Variants in ASXL2 observed in about 807,000 individuals in gnomAD.
ASXL2 encodes the protein putative Polycomb group protein ASXL2.
A neutral mutation model predicts 122.0 loss-of-function variants in ASXL2; 23 were observed. The observed-to-expected ratio is 0.19, with a 90% CI of 0.14 to 0.27. The LOEUF (loss-of-function observed/expected upper bound fraction) is 0.27, where lower values mean the gene tolerates loss of function less well. Ranked by LOEUF, ASXL2 falls within the 10% of genes least tolerant of loss-of-function variation. The pLI is 1.00. For missense variants in ASXL2, 1,518 were observed against 1,713.8 expected (o/e 0.89, Z 2.02); for synonymous variants, 650 against 637.0 (o/e 1.02, Z -0.31).
intron 2 of ASXL2, among the ~76,000 whole-genome samples, chr2:25,841,933 C>A (rs1262746749): frequency 7.8e-6 from 1 of 127,834 alleles, no homozygotes; most frequent in South Asian, 2.5e-4. Context: ...GAGGACAGAG[C>A]GAGACTCTGT....
rs1021590339 is a variant in ASXL2, at chr2:25,812,205, T to A, written c.144-5868A>T. Among the ~76,000 whole-genome samples, 12 of 148,882 alleles carry A rather than the reference T, an allele frequency of 8.1e-5. 3 individuals are homozygous for A. Among genetic ancestry groups the A allele is most frequent in the Admixed American group, 6.7e-5 (1 of 14,944 alleles). On this transcript the variant is annotated intron_variant, in intron 3 of 12. Transcript: ENST00000435504. ...TGGCCGCAGTGGCTCGCGTCTATAA[T>A]CCCAGCACTTTGGGAGCCGAGGCAG...
intron 3 of ASXL2, among the ~76,000 whole-genome samples, chr2:25,808,268 C>T (rs1033908985): frequency 1.3e-5 from 2 of 152,126 alleles, no homozygotes; most frequent in East Asian, 3.8e-4. Context: ...TGAGGAGTGA[C>T]ACAGTATGAA....
intron 4 of ASXL2, among the ~76,000 whole-genome samples, chr2:25,805,687 A>G (rs2089071122): frequency 6.7e-6 from 1 of 149,312 alleles, no homozygotes; most frequent in Non-Finnish European, 1.5e-5. Flanking sequence ...ATTTTATTTT[A>G]TTTTTTGAGA....
At position 25,842,248 on chromosome 2, in the gene ASXL2, T is replaced by C. The variant is rs148445644; in HGVS notation, c.140+3233A>G. 2.0e-4 allele frequency among the ~76,000 whole-genome samples: 30 copies of C among 152,250 alleles called. No individual in the cohort carries two copies. The East Asian group carries it at 5.2e-3, about 26-fold the overall frequency. On this transcript the variant is annotated intron_variant, in intron 2 of 12. Transcript: ENST00000435504. ...GTATCCAAATGGAGACCTAAAAGACTTAACTGTCCAATAGGTGAGCGAAAG... is the reference window on the plus strand; with the variant it reads ...GTATCCAAATGGAGACCTAAAAGACCTAACTGTCCAATAGGTGAGCGAAAG...
intron 1 of ASXL2, among the ~76,000 whole-genome samples, chr2:25,864,000 C>A (rs1261952113): frequency 1.4e-5 from 2 of 142,588 alleles, no homozygotes; most frequent in African/African-American, 5.2e-5. Flanking sequence ...AGCGAGACTC[C>A]ATCTCAAAAA....
chr2:25,826,983 G>T (rs1166991219), intron 3 of ASXL2, among the ~76,000 whole-genome samples: 2 of 148,366 alleles, frequency 1.3e-5, no homozygotes, highest in Non-Finnish European at 3.0e-5. Context: ...GCATCACCAC[G>T]AACAGCTAAT....
intron 2 of ASXL2, among the ~76,000 whole-genome samples, chr2:25,844,341 G>A (rs574282371): frequency 2.0e-5 from 3 of 152,186 alleles, no homozygotes; most frequent in East Asian, 3.9e-4. Context: ...AGCACTTTGG[G>A]AGGACAAAGC....
At chr2:25,830,357 T>C (rs1330014264) in intron 3 of ASXL2, among the ~76,000 whole-genome samples, 2 of 152,320 alleles carry the variant, frequency 1.3e-5, no homozygotes, top group Admixed American at 1.3e-4. Flanking sequence ...GTAGGCCGAA[T>C]GCAGCGGCTC....
intron 3 of ASXL2, among the ~76,000 whole-genome samples, chr2:25,835,076 G>A (rs1174135279): frequency 2.8e-5 from 4 of 143,510 alleles, no homozygotes; most frequent in Admixed American, 6.9e-5. Context: ...CACCCACCTC[G>A]GCCTCTCAAA....
chr2:25,735,542 C>T lies in ASXL2; in HGVS notation c.*6487G>A, dbSNP rs979841924. 6.2e-4 allele frequency: 94 copies of T among 152,288 alleles called. No homozygotes were observed. Among genetic ancestry groups the T allele is most frequent in the African/African-American group, 2.1e-3 (88 of 41,568 alleles). The allele number at this position is 152,288 out of a possible 1,614,324, so 9.4% of individuals were successfully genotyped here. Reference sequence around the variant, plus strand: ...CAAATGAAGAGATACAGTTACTTATCATCTATAAGATGAAAATCATGTTTT... The same window carrying T: ...CAAATGAAGAGATACAGTTACTTATTATCTATAAGATGAAAATCATGTTTT... On this transcript the variant is annotated 3_prime_UTR_variant, in exon 13 of 13. Coordinates refer to ENST00000435504, the MANE Select transcript of ASXL2 (RefSeq NM_018263.6).
chr2:25,760,253 G>A (rs1412247786), intron 8 of ASXL2, among the ~76,000 whole-genome samples: 1 of 151,592 alleles, frequency 6.6e-6, no homozygotes, highest in African/African-American at 2.4e-5. Context: ...ACAAAAGGTT[G>A]CTCTTCTTCA....
At chr2:25,825,380 T>G (rs1272823723) in intron 3 of ASXL2, among the ~76,000 whole-genome samples, 2 of 152,152 alleles carry the variant, frequency 1.3e-5, no homozygotes, top group African/African-American at 4.8e-5. Flanking sequence ...TTAAGTACAG[T>G]CACCCTGTTG....
At chr2:25,784,142 T>C (rs976970959) in intron 5 of ASXL2, among the ~76,000 whole-genome samples, 3 of 152,136 alleles carry the variant, frequency 2.0e-5, no homozygotes, top group South Asian at 2.1e-4. Flanking sequence ...TCCCAGCTAC[T>C]TGGGGGGCTG....
chr2:25,866,747 A>G (rs555300463), intron 1 of ASXL2, among the ~76,000 whole-genome samples: 4 of 152,110 alleles, frequency 2.6e-5, no homozygotes, highest in African/African-American at 7.2e-5. Flanking sequence ...TTTTAAAAGA[A>G]TCTGAGATAG....
rs537371442 is a variant in ASXL2, at chr2:25,744,388, T to C, written c.1949A>G (p.Asn650Ser). 6.8e-6 allele frequency: 11 copies of C among 1,613,956 alleles called. No individual in the cohort carries two copies. In the South Asian group the frequency reaches 1.1e-4, roughly 16 times the overall value. ...ARFPVSITSP[N>S]RTGARTLADI... ...TGCAAGAGTTCTGGCTCCTGTTCTG[T>C]TAGGACTAGTGATGGAGACTGGAAA... is the stretch of plus-strand genomic sequence containing the variant. The change falls in exon 13 of 13, where the codon AAC (asparagine) becomes AGC (serine). Residue 650 changes from asparagine to serine, a missense_variant. Physicochemically the swap from Asn to Ser is conservative, Grantham distance 46. This residue lies in a region of ASXL2 where 292 missense variants were observed against 293.5 expected (regional missense o/e 1.00). Transcript: ENST00000435504. The surrounding 1 kb of genome is among the most constrained non-coding windows in gnomAD (Gnocchi z 4.7).
At position 25,845,524 on chromosome 2, in the gene ASXL2, C is replaced by G; in HGVS notation, c.97G>C (p.Glu33Gln). 1 of 1,508,912 alleles carries G rather than the reference C, an allele frequency of 6.6e-7. No homozygotes were observed. Among genetic ancestry groups the G allele is most frequent in the Non-Finnish European group, 8.9e-7 (1 of 1,124,090 alleles). 93.5% of individuals were successfully genotyped at this position (1,508,912 alleles called of 1,614,324 possible). Residue 33 changes from glutamate (E) to glutamine (Q), a missense_variant, in exon 2 of 13, where the codon GAA becomes CAA. Physicochemically the swap from Glu to Gln is conservative, Grantham distance 29. Transcript: ENST00000435504. ...TCTCTCTGGATAACTTGAAGAATTT[C>G]TTTATGACTCATGGGTGTATTGGGG... Reference protein sequence around the residue: ...KYPNTPMSHKEILQVIQREGL... With the variant: ...KYPNTPMSHKQILQVIQREGL...
Position 25,741,798 on chromosome 2 carries a change from C to CA in ASXL2, c.*230dup, listed in dbSNP as rs1316546396. 2.0e-6 allele frequency: 1 copy of CA among 489,256 alleles called. No individual in the cohort carries two copies. Among genetic ancestry groups the CA allele is most frequent in the African/African-American group, 1.9e-5 (1 of 52,702 alleles). 30.3% of individuals were successfully genotyped at this position (489,256 alleles called of 1,614,324 possible). Reference sequence around the variant, plus strand: ...ACATATTTACATGATTTTGTAAGTGCAAACTTGTCACAAATTCACAAAGTC... The same window carrying CA: ...ACATATTTACATGATTTTGTAAGTGCAAAACTTGTCACAAATTCACAAAGTC... On this transcript the variant is annotated 3_prime_UTR_variant, in exon 13 of 13. Transcript: ENST00000435504.
At chr2:25,760,639 A>C (rs1313791764) in intron 8 of ASXL2, among the ~76,000 whole-genome samples, 1 of 152,206 alleles carries the variant, frequency 6.6e-6, no homozygotes, top group Non-Finnish European at 1.5e-5. Flanking sequence ...ATGTGGGTAC[A>C]CCCTCTGCCT....
chr2:25,741,791 G>C lies in ASXL2; in HGVS notation c.*238C>G, dbSNP rs577212127. The C allele has an allele frequency of 4.2e-6, 2 of 471,464 alleles. No homozygotes were observed. The highest frequency in any genetic ancestry group is 3.8e-5 in the African/African-American group (2 of 52,422). The allele number at this position is 471,464 out of a possible 1,614,324, so 29.2% of individuals were successfully genotyped here. ...AAATGTGACATATTTACATGATTTT[G>C]TAAGTGCAAACTTGTCACAAATTCA... On this transcript the variant is annotated 3_prime_UTR_variant, in exon 13 of 13. Coordinates refer to ENST00000435504, the MANE Select transcript of ASXL2 (RefSeq NM_018263.6).
Sources: allele counts gnomAD v4.1 joint callset (sites outside exome capture counted in the v4.1 genomes callset), GRCh38; gene constraint gnomAD v4.1.1; regional missense constraint gnomAD v4.1.1; non-coding constraint Gnocchi (gnomAD v3.1); transcripts MANE v1.5; gene names NCBI Gene and HGNC (gene_info 2026-07-23, HGNC 2026-07-21).